The following VPS36 variants were observed in gnomAD, a reference collection of about 807,000 sequenced individuals.
The protein encoded by VPS36 is vacuolar protein sorting 36 homolog, also known as vacuolar protein-sorting-associated protein 36.
A neutral mutation model predicts 63.5 loss-of-function variants in VPS36; 31 were observed. The observed-to-expected ratio is 0.49, with a 90% CI of 0.37 to 0.66. The LOEUF is 0.66. VPS36 is among the 30% of genes least tolerant of loss of function. VPS36 has a pLI of 0.00. For synonymous variants in VPS36, 138 were observed against 157.2 expected (o/e 0.88, Z 0.91); for missense variants, 338 against 463.7 (o/e 0.73, Z 2.49).
rs557414458 is a variant in VPS36, at chr13:52,440,284, T to A, written c.166-1116A>T. The stretch of plus-strand genomic sequence containing the variant: ...CATGAGCCACTGTGTCTAGCCAGTA[T>A]GTTTAATTTTTAATTTTTATTTTTT... On this transcript the variant is annotated intron_variant, in intron 2 of 13. Transcript: ENST00000378060. 1.4e-4 allele frequency among the ~76,000 whole-genome samples: 21 copies of A among 152,120 alleles called. No individual in the cohort carries two copies. In the South Asian group the frequency reaches 4.4e-3, roughly 32 times the overall value.
intron 1 of VPS36, among the ~76,000 whole-genome samples, chr13:52,443,682 A>G (rs1958304456): frequency 6.6e-6 from 1 of 152,230 alleles, no homozygotes; most frequent in Admixed American, 6.5e-5. Context: ...CTCTTTGAGT[A>G]TGTATCACCT....
chr13:52,442,030 A>C (rs561424279), intron 2 of VPS36, among the ~76,000 whole-genome samples: 2 of 152,234 alleles, frequency 1.3e-5, no homozygotes, highest in East Asian at 3.9e-4. Flanking sequence ...AACTACATGG[A>C]TTTTTCTGGA....
chr13:52,434,972 T>TTC, intron 4 of VPS36, 90 bp from the exon 5 acceptor site: 1 of 206,958 alleles, frequency 4.8e-6, no homozygotes, highest in Non-Finnish European at 8.2e-6. Context: ...TCTTTTTTTC[T>TTC]TTTTTTTTTT....
intron 2 of VPS36, among the ~76,000 whole-genome samples, chr13:52,439,668 G>A (rs577195667): frequency 2.4e-4 from 36 of 152,120 alleles, no homozygotes; most frequent in African/African-American, 8.0e-4. Context: ...GGATGGTCTC[G>A]ATCTCCTGAC....
intron 1 of VPS36, among the ~76,000 whole-genome samples, chr13:52,449,307 C>G (rs1333023168): frequency 1.3e-5 from 2 of 152,134 alleles, no homozygotes; most frequent in African/African-American, 2.4e-5. Flanking sequence ...CCACTGCACT[C>G]CAGCCTGGCG....
Position 52,414,893 on chromosome 13 carries a change from A to G in VPS36, c.*937T>C, listed in dbSNP as rs1479464054. 1.3e-5 allele frequency: 2 copies of G among 152,242 alleles called. No individual in the cohort carries two copies. Among genetic ancestry groups the G allele is most frequent in the Admixed American group, 1.3e-4 (2 of 15,282 alleles). The allele number at this position is 152,242 out of a possible 1,614,324, so 9.4% of individuals were successfully genotyped here. A position where few individuals can be genotyped will look rare whatever the true frequency, so the allele number is the denominator to read the frequency against. ...TCTCAGTAACATTTCTTACCGAAGT[A>G]GTTTTTCCACACAACTTACAACATA... On this transcript the variant is annotated 3_prime_UTR_variant, in exon 14 of 14. Coordinates refer to ENST00000378060, the MANE Select transcript of VPS36 (RefSeq NM_016075.4).
intron 3 of VPS36, among the ~76,000 whole-genome samples, chr13:52,437,205 T>G (rs1179992626): frequency 6.6e-6 from 1 of 152,210 alleles, no homozygotes; most frequent in Non-Finnish European, 1.5e-5. Context: ...TACTTTTCTT[T>G]TTTTGGAACC....
chr13:52,436,548 G>A lies in VPS36; in HGVS notation c.237-144C>T, dbSNP rs542186456. 1.7e-4 allele frequency: 108 copies of A among 626,514 alleles called. No individual in the cohort carries two copies. In the African/African-American group the frequency reaches 1.9e-3, roughly 11 times the overall value. The allele number at this position is 626,514 out of a possible 1,614,324, so 38.8% of individuals were successfully genotyped here. The stretch of plus-strand genomic sequence containing the variant: ...CCCAAAAAGCATCCTTTTAAAGTGT[G>A]TATTAATTCAATATTAATGAAGCTT... On this transcript the variant is annotated intron_variant, in intron 3 of 13. Coordinates refer to ENST00000378060, the MANE Select transcript of VPS36 (RefSeq NM_016075.4).
chr13:52,432,076 G>C (rs1246616308), intron 6 of VPS36, among the ~76,000 whole-genome samples: 2 of 152,172 alleles, frequency 1.3e-5, no homozygotes, highest in African/African-American at 4.8e-5. Flanking sequence ...TAGTTGGCTG[G>C]GCGCGGTGGC....
At chr13:52,418,438 G>A (rs1205532853) in intron 10 of VPS36, among the ~76,000 whole-genome samples, 2 of 151,602 alleles carry the variant, frequency 1.3e-5, no homozygotes, top group Non-Finnish European at 2.9e-5. Context: ...AGCCGGGCGC[G>A]GTGGCGGGTG....
intron 6 of VPS36, among the ~76,000 whole-genome samples, chr13:52,431,634 G>A (rs1354570576): frequency 6.6e-6 from 1 of 151,720 alleles, no homozygotes; most frequent in Non-Finnish European, 1.5e-5. Context: ...ACAGTGGTGC[G>A]CGCCTGTAAT....
intron 2 of VPS36, among the ~76,000 whole-genome samples, chr13:52,441,853 T>C (rs558438786): frequency 1.3e-5 from 2 of 152,308 alleles, no homozygotes; most frequent in South Asian, 2.1e-4. Flanking sequence ...AGGCCTAGCC[T>C]CCTGATTCTC....
intron 10 of VPS36, among the ~76,000 whole-genome samples, chr13:52,420,809 T>G (rs1015527686): frequency 1.3e-5 from 2 of 151,492 alleles, no homozygotes; most frequent in African/African-American, 2.4e-5. Context: ...TATGTATCCA[T>G]AAAAAAGAAA....
At chr13:52,418,941 C>T (rs1958020110) in intron 10 of VPS36, among the ~76,000 whole-genome samples, 2 of 152,226 alleles carry the variant, frequency 1.3e-5, no homozygotes, top group East Asian at 1.9e-4. Context: ...ACCTGTCAAA[C>T]CACTGTCTCT....
chr13:52,450,440 C>A lies in VPS36; in HGVS notation c.96+59G>T, dbSNP rs1958390666. 20 of 1,512,296 alleles carry A rather than the reference C, an allele frequency of 1.3e-5. No individual in the cohort carries two copies. The South Asian group carries it at 2.3e-4, about 17-fold the overall frequency. The allele number at this position is 1,512,296 out of a possible 1,614,324, so 93.7% of individuals were successfully genotyped here. On this transcript the variant is annotated intron_variant, in intron 1 of 13. Coordinates refer to ENST00000378060, the MANE Select transcript of VPS36 (RefSeq NM_016075.4). Reference sequence around the variant, plus strand: ...CGACCCGGGCCGCGCTGAGCCGGGCCGCGCGCCCACCGGGGGTCCCTTCCG... The same window carrying A: ...CGACCCGGGCCGCGCTGAGCCGGGCAGCGCGCCCACCGGGGGTCCCTTCCG...
chr13:52,431,825 G>A (rs1003890350), intron 6 of VPS36, among the ~76,000 whole-genome samples: 3 of 151,224 alleles, frequency 2.0e-5, no homozygotes, highest in Non-Finnish European at 4.4e-5. Flanking sequence ...GGTTGATTCC[G>A]GATCTGAGGC....
At position 52,427,192 on chromosome 13, in the gene VPS36, T is replaced by A. The variant is rs779434828; in HGVS notation, c.556A>T (p.Ile186Phe). Reference sequence around the variant, plus strand: ...TAGGCATAAATGACATATACCTTGATCATTAGTTTGCTGAGGTCTTCAAAG... The same window carrying A: ...TAGGCATAAATGACATATACCTTGAACATTAGTTTGCTGAGGTCTTCAAAG... Reference protein sequence around the residue: ...EAFEDLSKLMIKAKEMVELSK... With the variant: ...EAFEDLSKLMFKAKEMVELSK... Residue 186 changes from isoleucine (I) to phenylalanine (F), a missense_variant, in exon 7 of 14, where the codon ATC becomes TTC. Transcript: ENST00000378060. 4 of 1,613,486 alleles carry A rather than the reference T, an allele frequency of 2.5e-6. No homozygotes were observed. The highest frequency in any genetic ancestry group is 3.4e-6 in the Non-Finnish European group (4 of 1,179,668).
chr13:52,416,067 T>G lies in VPS36; in HGVS notation c.1017A>C (p.Ser339=). 6.2e-7 allele frequency: 1 copy of G among 1,613,836 alleles called. No individual in the cohort carries two copies. Among genetic ancestry groups the G allele is most frequent in the Non-Finnish European group, 8.5e-7 (1 of 1,179,932 alleles). The part of the protein sequence containing the change: ...ETVSEKGSLT[S]EEFAKLVGMS... ...TTCCCACAAGCTTAGCAAACTCTTC[T>G]GATGTTAGGGATCCCTTTTCTGAAA... The change falls in exon 13 of 14, where the codon TCA becomes TCC. Residue 339 remains serine (S), a synonymous_variant. Coordinates refer to ENST00000378060, the MANE Select transcript of VPS36 (RefSeq NM_016075.4).
intron 3 of VPS36, among the ~76,000 whole-genome samples, chr13:52,438,377 C>T (rs1313622650): frequency 6.6e-6 from 1 of 152,062 alleles, no homozygotes; most frequent in Non-Finnish European, 1.5e-5. Flanking sequence ...TAATCTTTTA[C>T]AGTAAATCAT....
Sources: gnomAD v4.1 joint callset for allele counts (sites outside exome capture counted in the v4.1 genomes callset) on GRCh38, gnomAD v4.1.1 for gene constraint, MANE v1.5 for transcripts, NCBI Gene and HGNC (gene_info 2026-07-23, HGNC 2026-07-21) for gene names.